The following TCF7L2 variants were observed in gnomAD, a reference collection of about 807,000 sequenced individuals.
TCF7L2 encodes transcription factor 7 like 2.
In TCF7L2, 23 loss-of-function variants were observed where a neutral mutation model predicts 77.9. The ratio of observed to expected loss-of-function variants is 0.30; its 90% confidence interval spans 0.21 to 0.42. TCF7L2 has a LOEUF of 0.42. Ranked by LOEUF, TCF7L2 falls within the 10% of genes least tolerant of loss-of-function variation. The pLI is 1.00. For synonymous variants in TCF7L2, 413 were observed against 340.2 expected (o/e 1.21, Z -2.36); for missense variants, 654 against 793.1 (o/e 0.82, Z 2.11).
chr10:113,122,081 CA>C (rs1564923518), intron 5 of TCF7L2, among the ~76,000 whole-genome samples: 2 of 152,192 alleles, frequency 1.3e-5, no homozygotes, highest in African/African-American at 4.8e-5. Flanking sequence ...AATCAGCATA[CA>C]AAGAATCAAA....
intron 5 of TCF7L2, among the ~76,000 whole-genome samples, chr10:113,119,523 C>G (rs1189680534): frequency 1.3e-5 from 2 of 152,084 alleles, no homozygotes; most frequent in African/African-American, 4.8e-5. Flanking sequence ...ACACAAATCC[C>G]TCCCTGAATA....
At chr10:113,080,790 T>G (rs746719902) in intron 5 of TCF7L2, among the ~76,000 whole-genome samples, 1 of 152,216 alleles carries the variant, frequency 6.6e-6, no homozygotes, top group Non-Finnish European at 1.5e-5. Context: ...GTTTGCACAC[T>G]TATTCAGTTA....
intron 5 of TCF7L2, among the ~76,000 whole-genome samples, chr10:113,068,213 C>T (rs1225039141): frequency 1.3e-5 from 2 of 152,194 alleles, no homozygotes; most frequent in Non-Finnish European, 2.9e-5. Context: ...GAAGTATATA[C>T]CACCTTCCTA....
At chr10:113,069,150 C>G (rs866329121) in intron 5 of TCF7L2, among the ~76,000 whole-genome samples, 2 of 151,782 alleles carry the variant, frequency 1.3e-5, no homozygotes, top group African/African-American at 2.4e-5. Context: ...GGTACGCCCC[C>G]TTGGAAGGGG....
chr10:112,972,871 A>T (rs1184337026), intron 4 of TCF7L2, among the ~76,000 whole-genome samples: 1 of 152,244 alleles, frequency 6.6e-6, no homozygotes, highest in Non-Finnish European at 1.5e-5. Context: ...TAAATGAGGA[A>T]ACAGATACCT....
chr10:112,979,532 G>A (rs964198829), intron 4 of TCF7L2, among the ~76,000 whole-genome samples: 7 of 152,040 alleles, frequency 4.6e-5, no homozygotes, highest in South Asian at 2.1e-4. Context: ...CGAGGCGGGC[G>A]GATCACTTGA....
intron 4 of TCF7L2, among the ~76,000 whole-genome samples, chr10:113,011,401 C>G (rs28693015): frequency 0.019 from 2,849 of 152,242 alleles, 102 homozygotes; most frequent in African/African-American, 0.065. Context: ...GCTTTGAACT[C>G]TGTGTGCTAA....
chr10:113,112,858 G>C (rs933818627), intron 5 of TCF7L2, among the ~76,000 whole-genome samples: 3 of 152,176 alleles, frequency 2.0e-5, no homozygotes, highest in Non-Finnish European at 4.4e-5. Context: ...CAGTGTTTCT[G>C]TGTATTCAGA....
At chr10:113,066,072 T>C (rs1447394005) in intron 5 of TCF7L2, among the ~76,000 whole-genome samples, 6 of 152,150 alleles carry the variant, frequency 3.9e-5, no homozygotes, top group South Asian at 2.1e-4. Context: ...AGTTGTAAGA[T>C]ATGCTTAAGG....
intron 4 of TCF7L2, among the ~76,000 whole-genome samples, chr10:112,999,549 C>T (rs367789587): frequency 5.3e-5 from 8 of 152,190 alleles, no homozygotes; most frequent in African/African-American, 1.7e-4. Context: ...ATGAAGTTCT[C>T]TGTGAGGGGC....
intron 4 of TCF7L2, among the ~76,000 whole-genome samples, chr10:112,990,078 C>T (rs1378603377): frequency 6.6e-6 from 1 of 152,060 alleles, no homozygotes; most frequent in Non-Finnish European, 1.5e-5. Context: ...AGTACGTTTC[C>T]CATTACTGTT....
intron 4 of TCF7L2, among the ~76,000 whole-genome samples, chr10:112,977,787 C>G (rs1258410130): frequency 6.6e-6 from 1 of 152,106 alleles, no homozygotes; most frequent in Non-Finnish European, 1.5e-5. Flanking sequence ...GCAGGCCACT[C>G]GGGGGAGGCA....
At chr10:113,148,252 C>T (rs1016877914) in intron 8 of TCF7L2, among the ~76,000 whole-genome samples, 10 of 152,100 alleles carry the variant, frequency 6.6e-5, no homozygotes, top group Admixed American at 4.6e-4. Flanking sequence ...GTTGGAGCTC[C>T]GGGCCCTCAG....
At position 113,089,105 on chromosome 10, in the gene TCF7L2, C is replaced by G. The variant is rs375650545; in HGVS notation, c.552+48979C>G. Among the ~76,000 whole-genome samples the G allele has an allele frequency of 2.8e-4, 43 of 152,170 alleles. 1 individual carries two copies. Among genetic ancestry groups the G allele is most frequent in the Middle Eastern group, 3.4e-3 (1 of 294 alleles). On this transcript the variant is annotated intron_variant, in intron 5 of 13. Coordinates refer to ENST00000627217, the MANE Select transcript of TCF7L2 (RefSeq NM_001146274.2). ...CTAGCTAACTGGTTCTTGAGAGGCTCAGAGGAAGGGGAGGCCATGCCCATT... is the reference window on the plus strand; with the variant it reads ...CTAGCTAACTGGTTCTTGAGAGGCTGAGAGGAAGGGGAGGCCATGCCCATT...
chr10:113,039,453 T>A (rs778120298), intron 4 of TCF7L2, among the ~76,000 whole-genome samples: 4 of 152,204 alleles, frequency 2.6e-5, no homozygotes, highest in Non-Finnish European at 5.9e-5. Flanking sequence ...AGAAGTAAGT[T>A]TTGTTGAGTA....
At chr10:113,112,805 T>G (rs2063295218) in intron 5 of TCF7L2, among the ~76,000 whole-genome samples, 1 of 152,196 alleles carries the variant, frequency 6.6e-6, no homozygotes, top group Non-Finnish European at 1.5e-5. Context: ...CAAGCAATAT[T>G]GTGTTTTAAG....
At chr10:113,152,005 C>T (rs2070836284) in intron 10 of TCF7L2, 121 bp downstream of exon 10, 2 of 1,365,858 alleles carry the variant, frequency 1.5e-6, no homozygotes, top group South Asian at 2.9e-5. Context: ...CCTTCAGCCA[C>T]ATTCTGAATC....
chr10:113,020,722 AT>A (rs1173924474), intron 4 of TCF7L2, among the ~76,000 whole-genome samples: 2 of 152,108 alleles, frequency 1.3e-5, no homozygotes, highest in Non-Finnish European at 2.9e-5. Flanking sequence ...TATTACCTTC[AT>A]TTTATAGATG....
At chr10:113,073,239 C>T (rs979425866) in intron 5 of TCF7L2, among the ~76,000 whole-genome samples, 2 of 151,710 alleles carry the variant, frequency 1.3e-5, no homozygotes, top group Non-Finnish European at 2.9e-5. Context: ...GGTGTCTTTC[C>T]AGTCTACAAC....
Sources: allele counts gnomAD v4.1 joint callset (sites outside exome capture counted in the v4.1 genomes callset), GRCh38; gene constraint gnomAD v4.1.1; transcripts MANE v1.5; gene names NCBI Gene and HGNC (gene_info 2026-07-23, HGNC 2026-07-21).